ATP8B2: variants seen among roughly 807,000 people sequenced by gnomAD.
ATP8B2 encodes ATPase phospholipid transporting 8B2.
Under a neutral mutation model 133.4 loss-of-function variants are expected in ATP8B2, and 70 were observed. That is an observed-to-expected ratio of 0.52 (90% CI 0.43 to 0.64). The LOEUF is 0.64. ATP8B2 is among the 30% of genes least tolerant of loss of function. The pLI is 0.00. For missense variants in ATP8B2, 1,101 were observed against 1,535.7 expected, an observed-to-expected ratio of 0.72 and a Z score of 4.73; for synonymous variants, 517 against 589.5, an observed-to-expected ratio of 0.88 and a Z score of 1.78.
chr1:154,329,222 CCTT>C (rs1184160266), intron 2 of ATP8B2: 2 of 778,334 alleles, frequency 2.6e-6, no homozygotes, highest in East Asian at 1.6e-4. Context: ...CCAGTCCCTA[CCTT>C]CTTCGTTTGC....
At position 154,349,000 on chromosome 1, in the gene ATP8B2, T is replaced by C. The variant is rs1686695803; in HGVS notation, c.3455T>C (p.Leu1152Pro). The C allele has an allele frequency of 1.9e-6, 3 of 1,614,112 alleles. No individual in the cohort carries two copies. The highest frequency in any genetic ancestry group is 3.3e-5 in the Admixed American group (2 of 60,004). Reference sequence around the variant, plus strand: ...GGCAAGAACATGCGGCTGAGCTCTCTCGCGCTCTCCAGCTTCACCACCCGC... The same window carrying C: ...GGCAAGAACATGCGGCTGAGCTCTCCCGCGCTCTCCAGCTTCACCACCCGC... The part of the protein sequence containing the change: ...MSGKNMRLSS[L>P]ALSSFTTRSS... Residue 1152 changes from leucine to proline, a missense_variant, in exon 28 of 28, where the codon CTC becomes CCC. Leu to Pro is a moderately conservative substitution (Grantham distance 98). Transcript: ENST00000368489.
At chr1:154,348,719 C>G in intron 27 of ATP8B2, 121 bp from the exon 28 acceptor site, 1 of 1,386,208 alleles carries the variant, frequency 7.2e-7, no homozygotes, top group South Asian at 1.4e-5. Context: ...AGCCTGGTCC[C>G]AGGTGCTGTG....
At chr1:154,327,944 C>G in intron 1 of ATP8B2, 161 bp from the exon 2 acceptor site, 1 of 1,543,748 alleles carries the variant, frequency 6.5e-7, no homozygotes, top group Non-Finnish European at 9.0e-7. Context: ...TCCCCTCTTT[C>G]CCAGGAACCC....
chr1:154,343,413 T>G lies in ATP8B2; in HGVS notation c.1643-40T>G. ...TTTATGTTGGGGGTCTTTGCCTGTC[T>G]GAATTTTTCTGGCACTTTCTTCACC... is the stretch of plus-strand genomic sequence containing the variant. On this transcript the variant is annotated intron_variant, in intron 16 of 27. Transcript: ENST00000368489. This position sits in a 1 kb window ranked among gnomAD's most constrained non-coding sequence, Gnocchi z 5.8. 1 of 1,609,890 alleles carries G rather than the reference T, an allele frequency of 6.2e-7. No individual in the cohort carries two copies. Among genetic ancestry groups the G allele is most frequent in the Non-Finnish European group, 8.5e-7 (1 of 1,176,730 alleles).
chr1:154,346,958 C>T lies in ATP8B2; in HGVS notation c.3163+200C>T, dbSNP rs1042032229. Among the ~76,000 whole-genome samples, 16 of 152,120 alleles carry T rather than the reference C, an allele frequency of 1.1e-4. No homozygotes were observed. The highest frequency in any genetic ancestry group is 3.4e-4 in the African/African-American group (14 of 41,414). The stretch of plus-strand genomic sequence containing the variant: ...TGCGATCTCGGCTCACTGCAGCCTT[C>T]GACTCACTGCAGCCTCTGCCTCCCG... On this transcript the variant is annotated intron_variant, in intron 26 of 27. Coordinates refer to ENST00000368489, the MANE Select transcript of ATP8B2 (RefSeq NM_001370597.1). The surrounding 1 kb of genome is among the most constrained non-coding windows in gnomAD (Gnocchi z 4.5).
Position 154,349,220 on chromosome 1 carries a change from C to T in ATP8B2, c.*102C>T. On this transcript the variant is annotated 3_prime_UTR_variant, in exon 28 of 28. Transcript: ENST00000368489. ...AACTGCTGGTCCTCATTCCTTGCTT[C>T]CCGTCCCCCCGGTAGACTCTGTCCT... is the stretch of plus-strand genomic sequence containing the variant. The T allele has an allele frequency of 2.1e-6, 3 of 1,413,018 alleles. No homozygotes were observed. Among genetic ancestry groups the T allele is most frequent in the Non-Finnish European group, 2.9e-6 (3 of 1,044,190 alleles). 87.5% of individuals were successfully genotyped at this position (1,413,018 alleles called of 1,614,324 possible). A position where few individuals can be genotyped will look rare whatever the true frequency, so the allele number is the denominator to read the frequency against.
At position 154,346,252 on chromosome 1, in the gene ATP8B2, A is replaced by C. The variant is rs1686578912; in HGVS notation, c.2800A>C (p.Met934Leu). The C allele has an allele frequency of 1.2e-6, 2 of 1,613,950 alleles. No individual in the cohort carries two copies. The highest frequency in any genetic ancestry group is 2.7e-5 in the African/African-American group (2 of 74,910). Residue 934 changes from methionine to leucine, a missense_variant, in exon 25 of 28, where the codon ATG becomes CTG. Coordinates refer to ENST00000368489, the MANE Select transcript of ATP8B2 (RefSeq NM_001370597.1). The surrounding 1 kb of genome is among the most constrained non-coding windows in gnomAD (Gnocchi z 4.5). Reference sequence around the variant, plus strand: ...ACAGGATGTCCCCGAGCAGCGGAGCATGGAGTACCCTAAGCTGTATGAGCC... The same window carrying C: ...ACAGGATGTCCCCGAGCAGCGGAGCCTGGAGTACCCTAAGCTGTATGAGCC... ...FDQDVPEQRSMEYPKLYEPGQ... is the reference protein window; with the variant it reads ...FDQDVPEQRSLEYPKLYEPGQ...
intron 27 of ATP8B2, 68 bp downstream of exon 27, chr1:154,348,606 T>TG (rs1178058945): frequency 1.3e-6 from 2 of 1,578,120 alleles, no homozygotes; most frequent in Non-Finnish European, 1.7e-6. Context: ...ATGTGAACAC[T>TG]GGGGGGCTCT....
At chr1:154,348,371 G>T (rs1041716335) in intron 26 of ATP8B2, 37 bp from the exon 27 acceptor site, 1 of 1,573,066 alleles carries the variant, frequency 6.4e-7, no homozygotes, top group African/African-American at 1.4e-5. Flanking sequence ...TGTCTGCCTC[G>T]TGACTCCCAA....
At position 154,334,633 on chromosome 1, in the gene ATP8B2, TCTC is replaced by T. The variant is rs1342394018; in HGVS notation, c.837+45_837+47del. On this transcript the variant is annotated intron_variant, in intron 11 of 27. Transcript: ENST00000368489. The surrounding 1 kb of genome is among the most constrained non-coding windows in gnomAD (Gnocchi z 4.6). Reference sequence around the variant, plus strand: ...CTGGCTCCCTGCCCCTGCCCTCTCTTCTCCTTGGGTGCTCCTTTTCCTTTCCTC... The same window carrying T: ...CTGGCTCCCTGCCCCTGCCCTCTCTTCTTGGGTGCTCCTTTTCCTTTCCTC... 6 of 1,532,612 alleles carry T rather than the reference TCTC, an allele frequency of 3.9e-6. No individual in the cohort carries two copies. The highest frequency in any genetic ancestry group is 5.4e-6 in the Non-Finnish European group (6 of 1,108,596). 94.9% of individuals were successfully genotyped at this position (1,532,612 alleles called of 1,614,324 possible). A position where few individuals can be genotyped will look rare whatever the true frequency, so the allele number is the denominator to read the frequency against.
rs987833341 is a variant in ATP8B2, at chr1:154,328,641, G to A, written c.31+469G>A. ...GTGGGAGGGGAGGCGGGGCTCGCGC[G>A]CGAGCTTTCGCCTACGCGGCGCGCT... On this transcript the variant is annotated intron_variant, in intron 2 of 27. Coordinates refer to ENST00000368489, the MANE Select transcript of ATP8B2 (RefSeq NM_001370597.1). The surrounding 1 kb of genome is among the most constrained non-coding windows in gnomAD (Gnocchi z 4.6). Among the ~76,000 whole-genome samples, 2 of 152,062 alleles carry A rather than the reference G, an allele frequency of 1.3e-5. No homozygotes were observed. The highest frequency in any genetic ancestry group is 4.8e-5 in the African/African-American group (2 of 41,426).
chr1:154,348,577 G>T (rs770861247), intron 27 of ATP8B2, 39 bp downstream of exon 27: 1 of 1,606,560 alleles, frequency 6.2e-7, no homozygotes, highest in Non-Finnish European at 8.5e-7. Context: ...GGCAGAGATG[G>T]GGTGGCTGGA....
At chr1:154,326,148 T>G (rs1685781994) in intron 1 of ATP8B2, among the ~76,000 whole-genome samples, 1 of 152,024 alleles carries the variant, frequency 6.6e-6, no homozygotes, top group African/African-American at 2.4e-5. Flanking sequence ...TGAGGAAAAC[T>G]GAGGGTGTCA....
chr1:154,350,249 T>C lies in ATP8B2; in HGVS notation c.*1131T>C, dbSNP rs1686741228. Reference sequence around the variant, plus strand: ...CCACCACGCTTGGTTAATTTTTGTATTTTTAGTAGAGATGTTTCACCATGT... The same window carrying C: ...CCACCACGCTTGGTTAATTTTTGTACTTTTAGTAGAGATGTTTCACCATGT... On this transcript the variant is annotated 3_prime_UTR_variant, in exon 28 of 28. Transcript: ENST00000368489. 6.6e-6 allele frequency: 1 copy of C among 152,114 alleles called. No individual in the cohort carries two copies. The highest frequency in any genetic ancestry group is 2.4e-5 in the African/African-American group (1 of 41,382). 9.4% of individuals were successfully genotyped at this position (152,114 alleles called of 1,614,324 possible). A position where few individuals can be genotyped will look rare whatever the true frequency, so the allele number is the denominator to read the frequency against.
chr1:154,330,507 G>A, intron 3 of ATP8B2, 53 bp downstream of exon 3: 3 of 1,587,652 alleles, frequency 1.9e-6, no homozygotes, highest in Non-Finnish European at 2.6e-6. Context: ...AGGGGAATGG[G>A]GCAAGGACAA....
intron 8 of ATP8B2, among the ~76,000 whole-genome samples, chr1:154,332,340 C>G (rs916157805): frequency 2.6e-5 from 4 of 151,964 alleles, no homozygotes; most frequent in Non-Finnish European, 5.9e-5. Context: ...TTGAGACCAG[C>G]CTGGGCAAGA....
rs1443449255 is a variant in ATP8B2 at position 154,349,371 on chromosome 1, C to T, written c.*253C>T. 5.6e-6 allele frequency: 3 copies of T among 531,494 alleles called. No homozygotes were observed. Among genetic ancestry groups the T allele is most frequent in the Non-Finnish European group, 6.7e-6 (2 of 299,986 alleles). The allele number at this position is 531,494 out of a possible 1,614,324, so 32.9% of individuals were successfully genotyped here. A position where few individuals can be genotyped will look rare whatever the true frequency, so the allele number is the denominator to read the frequency against. ...TGAGGCACGGGGAGCCAGCCCCACTCGGGGACCAGAAGTGGAACCAAAAAC... is the reference window on the plus strand; with the variant it reads ...TGAGGCACGGGGAGCCAGCCCCACTTGGGGACCAGAAGTGGAACCAAAAAC... On this transcript the variant is annotated 3_prime_UTR_variant, in exon 28 of 28. Transcript: ENST00000368489.
intron 3 of ATP8B2, 159 bp from the exon 4 acceptor site, chr1:154,330,656 T>G (rs1685955895): frequency 5.3e-6 from 4 of 749,490 alleles, no homozygotes; most frequent in Non-Finnish European, 8.9e-6. Context: ...TTGACCCCCT[T>G]GAGACTCCCT....
Position 154,344,326 on chromosome 1 carries a change from A to T in ATP8B2, c.2036-69A>T. 6.2e-7 allele frequency: 1 copy of T among 1,614,076 alleles called. No individual in the cohort carries two copies. Among genetic ancestry groups the T allele is most frequent in the Non-Finnish European group, 8.5e-7 (1 of 1,179,950 alleles). ...GTTGGACCCTTGCATGGAGCCGAGG[A>T]CATCAGGCAGGCAAGTGTGCTGACC... is the stretch of plus-strand genomic sequence containing the variant. On this transcript the variant is annotated intron_variant, in intron 19 of 27. Coordinates refer to ENST00000368489, the MANE Select transcript of ATP8B2 (RefSeq NM_001370597.1). The surrounding 1 kb of genome is among the most constrained non-coding windows in gnomAD (Gnocchi z 4.1).
Sources: gnomAD v4.1 joint callset for allele counts (sites outside exome capture counted in the v4.1 genomes callset) on GRCh38, gnomAD v4.1.1 for gene constraint, Gnocchi (gnomAD v3.1) non-coding constraint, MANE v1.5 for transcripts, NCBI Gene and HGNC (gene_info 2026-07-23, HGNC 2026-07-21) for gene names.